GALNT9: variants seen among roughly 807,000 people sequenced by gnomAD.
GALNT9 encodes GalNAc transferase 9.
A neutral mutation model predicts 63.1 loss-of-function variants in GALNT9; 47 were observed. That is an observed-to-expected ratio of 0.75 (90% CI 0.59 to 0.95). The LOEUF is 0.95. Ranked by LOEUF, GALNT9 falls within the 40% of genes least tolerant of loss-of-function variation. The pLI is 0.00. For missense variants in GALNT9, 829 were observed against 874.8 expected, an observed-to-expected ratio of 0.95 and a Z score of 0.66; for synonymous variants, 396 against 365.7, an observed-to-expected ratio of 1.08 and a Z score of -0.94.
chr12:132,311,439 C>T (rs966925145), intron 1 of GALNT9, among the ~76,000 whole-genome samples: 6 of 152,156 alleles, frequency 3.9e-5, no homozygotes, highest in African/African-American at 1.4e-4. Context: ...CAGGCAGCCC[C>T]CAGGAGCCTA....
intron 2 of GALNT9, chr12:132,283,924 G>T (rs1405735976): frequency 2.0e-5 from 3 of 152,198 alleles, no homozygotes; most frequent in African/African-American, 7.2e-5. Flanking sequence ...GGACCGTCAA[G>T]GTGGTCTCGG....
intron 1 of GALNT9, among the ~76,000 whole-genome samples, chr12:132,299,187 C>T (rs1555243586): frequency 7.0e-6 from 1 of 142,680 alleles, no homozygotes; most frequent in Non-Finnish European, 1.5e-5. Flanking sequence ...AGATAACCAA[C>T]CCACTCCTGA....
intron 2 of GALNT9, among the ~76,000 whole-genome samples, chr12:132,266,118 G>A (rs547200362): frequency 7.5e-5 from 11 of 145,710 alleles, no homozygotes; most frequent in African/African-American, 2.4e-4. Flanking sequence ...GAACAGGCAC[G>A]CACAGCCAAC....
rs1446815660 is a variant in GALNT9, at chr12:132,238,284, C to G, written c.1077+9626G>C. On this transcript the variant is annotated intron_variant, in intron 6 of 10. Transcript: ENST00000328957. This position sits in a 1 kb window ranked among gnomAD's most constrained non-coding sequence, Gnocchi z 6.5. ...CTGCTGGGTCCCTCACGGCGGAGAC[C>G]GAGGACTCCCCTTTGCAGGTAGCTC... Among the ~76,000 whole-genome samples the G allele has an allele frequency of 6.6e-6, 1 of 151,876 alleles. No homozygotes were observed. The highest frequency in any genetic ancestry group is 2.1e-4 in the South Asian group (1 of 4,820).
At chr12:132,247,721 C>T (rs782010565) in intron 6 of GALNT9, 189 bp downstream of exon 6, 129 of 959,652 alleles carry the variant, frequency 1.3e-4, no homozygotes, top group African/African-American at 8.4e-4. Context: ...ACACCGCGGC[C>T]TCACTCGCCC....
chr12:132,287,963 G>A (rs933148486), intron 1 of GALNT9, among the ~76,000 whole-genome samples: 4 of 152,226 alleles, frequency 2.6e-5, no homozygotes, highest in Non-Finnish European at 5.9e-5. Context: ...GAGGCGGCAT[G>A]GACCCCTGAG....
At chr12:132,198,745 A>C (rs1410447385) in intron 9 of GALNT9, among the ~76,000 whole-genome samples, 1 of 152,076 alleles carries the variant, frequency 6.6e-6, no homozygotes, top group Non-Finnish European at 1.5e-5. Context: ...TCCGCATCCC[A>C]GGCTCAGGTG....
chr12:132,237,556 T>G (rs2136895449), intron 6 of GALNT9, among the ~76,000 whole-genome samples: 27,303 of 151,772 alleles, frequency 0.18, 2,560 homozygotes, highest in Middle Eastern at 0.29. Flanking sequence ...TACTCACAAC[T>G]GCATATACCT....
rs1367434022 is a variant in GALNT9, at chr12:132,279,970, C to G, written c.419+6280G>C. 8.1e-6 allele frequency: 1 copy of G among 122,882 alleles called. No individual in the cohort carries two copies. The highest frequency in any genetic ancestry group is 5.7e-5 in the African/African-American group (1 of 17,464). The allele number at this position is 122,882 out of a possible 1,614,324, so 7.6% of individuals were successfully genotyped here. A position where few individuals can be genotyped will look rare whatever the true frequency, so the allele number is the denominator to read the frequency against. Reference sequence around the variant, plus strand: ...TGAATGCCCAGTGTCTGCTAGGTCTCCTGGATCCACTTCCTGGATGCCCAG... The same window carrying G: ...TGAATGCCCAGTGTCTGCTAGGTCTGCTGGATCCACTTCCTGGATGCCCAG... On this transcript the variant is annotated intron_variant, in intron 2 of 10. Transcript: ENST00000328957. This position sits in a 1 kb window ranked among gnomAD's most constrained non-coding sequence, Gnocchi z 4.1.
chr12:132,216,256 T>C (rs980262990), intron 6 of GALNT9, among the ~76,000 whole-genome samples: 2 of 151,520 alleles, frequency 1.3e-5, no homozygotes, highest in Non-Finnish European at 2.9e-5. Context: ...GAGATAGAGA[T>C]GAAGACACAG....
chr12:132,215,349 A>C (rs1877140943), intron 6 of GALNT9, among the ~76,000 whole-genome samples: 1 of 152,200 alleles, frequency 6.6e-6, no homozygotes, highest in African/African-American at 2.4e-5. Context: ...TCAGTTTCTA[A>C]ATGGAGGCCA....
In GALNT9 at chr12:132,282,070, C is replaced by A. The variant is rs537124154; in HGVS notation, c.419+4180G>T. On this transcript the variant is annotated intron_variant, in intron 2 of 10. Transcript: ENST00000328957. The surrounding 1 kb of genome is among the most constrained non-coding windows in gnomAD (Gnocchi z 4.5). ...CAGCTCCACTGCAGCAAGCCCAGGC[C>A]TGGGGGTCCCTGATCCCACAGAGGA... 6.8e-6 allele frequency among the ~76,000 whole-genome samples: 1 copy of A among 147,548 alleles called. No homozygotes were observed. Among genetic ancestry groups the A allele is most frequent in the South Asian group, 2.2e-4 (1 of 4,616 alleles).
chr12:132,304,230 G>T (rs187054554), intron 1 of GALNT9, among the ~76,000 whole-genome samples: 1 of 11,732 alleles, frequency 8.5e-5, no homozygotes, highest in African/African-American at 3.5e-4. Context: ...CATCCTCACC[G>T]GGGCACACCC....
intron 7 of GALNT9, among the ~76,000 whole-genome samples, chr12:132,202,101 C>T (rs1704064047): frequency 6.6e-6 from 1 of 152,218 alleles, no homozygotes; most frequent in Non-Finnish European, 1.5e-5. Context: ...CTCAGTTACT[C>T]ATTGGTAAAG....
chr12:132,199,094 C>A, intron 9 of GALNT9, 80 bp downstream of exon 9: 1 of 922,162 alleles, frequency 1.1e-6, no homozygotes, highest in Non-Finnish European at 1.7e-6. Flanking sequence ...TGGACCCGTG[C>A]CTCTGCCCCA....
intron 8 of GALNT9, 76 bp downstream of exon 8, chr12:132,201,048 C>T: frequency 7.2e-7 from 1 of 1,380,182 alleles, no homozygotes; most frequent in East Asian, 2.3e-5. Flanking sequence ...GCCTGCATCA[C>T]CCTGAATGCA....
At chr12:132,217,331 A>G (rs1292449249) in intron 6 of GALNT9, among the ~76,000 whole-genome samples, 1 of 146,048 alleles carries the variant, frequency 6.8e-6, no homozygotes, top group Admixed American at 6.9e-5. Flanking sequence ...CCATCCATCC[A>G]CCCACTCATC....
intron 6 of GALNT9, among the ~76,000 whole-genome samples, chr12:132,207,267 G>T (rs576172043): frequency 6.6e-6 from 1 of 152,258 alleles, no homozygotes; most frequent in Non-Finnish European, 1.5e-5. Context: ...CGCAGGACAG[G>T]GTTTCTGTCG....
At position 132,197,114 on chromosome 12, in the gene GALNT9, C is replaced by T. The variant is rs201884209; in HGVS notation, c.1805G>A (p.Arg602Gln). The T allele has an allele frequency of 8.4e-5, 136 of 1,613,998 alleles. No individual in the cohort carries two copies. The African/African-American group carries it at 1.2e-3, about 14-fold the overall frequency. The change falls in exon 11 of 11, where the codon CGG (arginine) becomes CAG (glutamine). Residue 602 changes from arginine (R) to glutamine (Q), a missense_variant. Transcript: ENST00000328957. ...WMIRNWIKHA[R>Q]H ...GTCCGGGCGGAGGTGGGGTCAGTGCCGTGCGTGTTTGATCCAGTTTCTGAT... is the reference window on the plus strand; with the variant it reads ...GTCCGGGCGGAGGTGGGGTCAGTGCTGTGCGTGTTTGATCCAGTTTCTGAT...
Sources: gnomAD v4.1 joint callset for allele counts (sites outside exome capture counted in the v4.1 genomes callset) on GRCh38, gnomAD v4.1.1 for gene constraint, Gnocchi (gnomAD v3.1) non-coding constraint, MANE v1.5 for transcripts, NCBI Gene and HGNC (gene_info 2026-07-23, HGNC 2026-07-21) for gene names.